MAGI2: variants seen among roughly 807,000 people sequenced by gnomAD.
MAGI2 encodes the protein membrane-associated guanylate kinase, WW and PDZ domain-containing protein 2.
Under a neutral mutation model 133.3 loss-of-function variants are expected in MAGI2, and 35 were observed. The observed-to-expected ratio is 0.26, with a 90% confidence interval of 0.20 to 0.35. MAGI2 has a LOEUF of 0.35. Among genes scored for constraint, MAGI2 ranks in the 10% least tolerant of loss-of-function variants. MAGI2 has a pLI of 1.00. For missense variants in MAGI2, 1,636 were observed against 1,863.4 expected (o/e 0.88, Z 2.25); for synonymous variants, 729 against 710.6 (o/e 1.03, Z -0.41).
At chr7:78,520,935 C>T (rs115930189) in intron 4 of MAGI2, among the ~76,000 whole-genome samples, 114 of 152,142 alleles carry the variant, frequency 7.5e-4, no homozygotes, top group African/African-American at 2.6e-3. Context: ...GCAGTTGTAG[C>T]GATTTTGAAA....
At chr7:78,712,846 TC>T (rs1819330802) in intron 2 of MAGI2, among the ~76,000 whole-genome samples, 1 of 152,218 alleles carries the variant, frequency 6.6e-6, no homozygotes, top group East Asian at 1.9e-4. Flanking sequence ...AGAATTTAAA[TC>T]TTCCATCCCC....
At chr7:78,701,796 G>T (rs920417272) in intron 2 of MAGI2, among the ~76,000 whole-genome samples, 6 of 151,866 alleles carry the variant, frequency 4.0e-5, no homozygotes, top group African/African-American at 9.7e-5. Flanking sequence ...CAGTTAAAAG[G>T]CTTTCTTATA....
At chr7:78,346,937 T>C (rs2151193932) in intron 7 of MAGI2, among the ~76,000 whole-genome samples, 1 of 152,326 alleles carries the variant, frequency 6.6e-6, no homozygotes, top group Admixed American at 6.5e-5. Context: ...TACTGAGTAC[T>C]TAACTCTTGG....
chr7:78,153,768 C>T (rs1445794375), intron 16 of MAGI2, among the ~76,000 whole-genome samples: 1 of 152,176 alleles, frequency 6.6e-6, no homozygotes, highest in Non-Finnish European at 1.5e-5. Flanking sequence ...CATGCTGATT[C>T]CTGGCATCAT....
At chr7:79,261,071 A>G (rs1018955232) in intron 1 of MAGI2, among the ~76,000 whole-genome samples, 1 of 152,252 alleles carries the variant, frequency 6.6e-6, no homozygotes, top group Admixed American at 6.5e-5. Context: ...GAGAACAGCC[A>G]TGAGCATTCA....
At chr7:79,249,539 G>A (rs1284314922) in intron 1 of MAGI2, among the ~76,000 whole-genome samples, 1 of 151,996 alleles carries the variant, frequency 6.6e-6, no homozygotes, top group African/African-American at 2.4e-5. Flanking sequence ...CAATGAATTG[G>A]AAAACCTAGA....
chr7:78,096,219 G>A (rs923345741), intron 20 of MAGI2, among the ~76,000 whole-genome samples: 1 of 152,198 alleles, frequency 6.6e-6, no homozygotes, highest in Non-Finnish European at 1.5e-5. Flanking sequence ...GTTATTAAGA[G>A]CACGGGCTTT....
intron 2 of MAGI2, among the ~76,000 whole-genome samples, chr7:78,973,779 C>T (rs1803993151): frequency 6.6e-6 from 1 of 151,766 alleles, no homozygotes; most frequent in Non-Finnish European, 1.5e-5. Context: ...CTGCTGTATG[C>T]TCGTAGCTTG....
At chr7:78,648,794 G>T (rs1398141048) in intron 2 of MAGI2, among the ~76,000 whole-genome samples, 3 of 151,204 alleles carry the variant, frequency 2.0e-5, no homozygotes, top group African/African-American at 7.3e-5. Flanking sequence ...TATCTATTCT[G>T]AAAGTTGAGA....
chr7:78,178,379 T>A (rs1344292707), intron 13 of MAGI2, among the ~76,000 whole-genome samples: 1 of 152,166 alleles, frequency 6.6e-6, no homozygotes, highest in East Asian at 1.9e-4. Flanking sequence ...AAAAAATTGA[T>A]GCCTTTATAA....
intron 2 of MAGI2, among the ~76,000 whole-genome samples, chr7:78,648,450 T>C (rs1440618275): frequency 6.6e-6 from 1 of 152,236 alleles, no homozygotes; most frequent in African/African-American, 2.4e-5. Flanking sequence ...AGCTGAAACC[T>C]GAAATATTGT....
In MAGI2 at chr7:78,554,629, C is replaced by G. The variant is rs59030687; in HGVS notation, c.539-32984G>C. The stretch of plus-strand genomic sequence containing the variant: ...TCCCAGGAAGAATTTTCTAACCTTC[C>G]CCTGAAGCAGGTCATAGGACCCTCA... On this transcript the variant is annotated intron_variant, in intron 3 of 21. Coordinates refer to ENST00000354212, the MANE Select transcript of MAGI2 (RefSeq NM_012301.4). The G allele has an allele frequency of 0.35, 52,541 of 152,000 alleles. 11,261 individuals carry two copies. The highest frequency in any genetic ancestry group is 0.48 in the Non-Finnish European group (32,376 of 67,962). The allele number at this position is 152,000 out of a possible 1,614,324, so 9.4% of individuals were successfully genotyped here. A position where few individuals can be genotyped will look rare whatever the true frequency, so the allele number is the denominator to read the frequency against.
At chr7:78,591,542 G>A (rs982731107) in intron 3 of MAGI2, among the ~76,000 whole-genome samples, 6 of 152,162 alleles carry the variant, frequency 3.9e-5, no homozygotes, top group South Asian at 2.1e-4. Flanking sequence ...TGCCAATGGC[G>A]GAGCCCTAAC....
At chr7:78,671,519 T>C (rs571317424) in intron 2 of MAGI2, among the ~76,000 whole-genome samples, 12 of 152,168 alleles carry the variant, frequency 7.9e-5, no homozygotes, top group Non-Finnish European at 1.6e-4. Context: ...AAACCTGTTA[T>C]TTGCTGCAAA....
intron 20 of MAGI2, among the ~76,000 whole-genome samples, chr7:78,121,867 A>G (rs1358040259): frequency 6.6e-6 from 1 of 152,270 alleles, no homozygotes; most frequent in South Asian, 2.1e-4. Context: ...GATAATTATT[A>G]TAGGTTGTAG....
Position 78,522,632 on chromosome 7 carries a change from G to A in MAGI2, c.539-987C>T, listed in dbSNP as rs983012799. On this transcript the variant is annotated intron_variant, in intron 3 of 21. Transcript: ENST00000354212. ...TGACCTCAAATGATCCGCCTGCCTC[G>A]GCCCCCCAAAGTGCTGGGATTACAG... Among the ~76,000 whole-genome samples the A allele has an allele frequency of 3.3e-5, 5 of 152,216 alleles. No homozygotes were observed. The East Asian group carries it at 5.8e-4, about 18-fold the overall frequency.
Position 79,357,626 on chromosome 7 carries a change from A to G in MAGI2, c.301+95394T>C, listed in dbSNP as rs848950. On this transcript the variant is annotated intron_variant, in intron 1 of 21. Transcript: ENST00000354212. ...TAAGAGAAGCTGGAAAAGATCTATGACATTAATCACACCATGCCCTTCCAT... is the reference window on the plus strand; with the variant it reads ...TAAGAGAAGCTGGAAAAGATCTATGGCATTAATCACACCATGCCCTTCCAT... 1.4e-3 allele frequency among the ~76,000 whole-genome samples: 220 copies of G among 152,308 alleles called. 2 individuals are homozygous for G. Among genetic ancestry groups the G allele is most frequent in the African/African-American group, 5.1e-3 (211 of 41,568 alleles).
At chr7:78,986,429 G>A (rs1805268027) in intron 2 of MAGI2, among the ~76,000 whole-genome samples, 1 of 151,908 alleles carries the variant, frequency 6.6e-6, no homozygotes, top group Non-Finnish European at 1.5e-5. Context: ...AGATTAGTCT[G>A]TTCCTTCTCA....
At chr7:78,374,569 A>T (rs1165134815) in intron 6 of MAGI2, among the ~76,000 whole-genome samples, 2 of 151,946 alleles carry the variant, frequency 1.3e-5, no homozygotes, top group Admixed American at 6.6e-5. Flanking sequence ...ACTGGGTCCC[A>T]CTTGTCAATT....
Sources: allele counts gnomAD v4.1 joint callset (sites outside exome capture counted in the v4.1 genomes callset), GRCh38; gene constraint gnomAD v4.1.1; transcripts MANE v1.5; gene names NCBI Gene and HGNC (gene_info 2026-07-23, HGNC 2026-07-21).